Variants in NLRC5 observed in about 807,000 individuals in gnomAD.
NLRC5 encodes the protein NLR family CARD domain containing 5.
NLRC5 carries 114 observed loss-of-function variants against 206.9 expected under a neutral mutation model. The ratio of observed to expected loss-of-function variants is 0.55; its 90% CI spans 0.47 to 0.64. The LOEUF (loss-of-function observed/expected upper bound fraction) is 0.64, where lower values mean the gene tolerates loss of function less well. Among genes scored for constraint, NLRC5 ranks in the 30% least tolerant of loss-of-function variants. NLRC5 has a pLI of 0.00. For missense variants in NLRC5, 2,008 were observed against 2,305.5 expected (o/e 0.87, Z 2.64); for synonymous variants, 952 against 962.8 (o/e 0.99, Z 0.21).
intron 32 of NLRC5, among the ~76,000 whole-genome samples, chr16:57,064,121 C>T (rs888992371): frequency 6.6e-6 from 1 of 152,020 alleles, no homozygotes; most frequent in Non-Finnish European, 1.5e-5. Flanking sequence ...AATCCCAACA[C>T]TTTGGGAGGC....
At chr16:57,075,593 G>A (rs945462174) in intron 39 of NLRC5, among the ~76,000 whole-genome samples, 32 of 152,270 alleles carry the variant, frequency 2.1e-4, no homozygotes, top group Non-Finnish European at 4.1e-4. Flanking sequence ...TTTGAGTAGT[G>A]TGGGTCTAGA....
intron 14 of NLRC5, among the ~76,000 whole-genome samples, chr16:57,036,650 G>A (rs1007336808): frequency 2.0e-5 from 3 of 151,896 alleles, no homozygotes; most frequent in African/African-American, 7.3e-5. Context: ...CATGGGGTGA[G>A]GGTGATGTTT....
At position 57,066,900 on chromosome 16, in the gene NLRC5, C is replaced by T. The variant is rs574652618; in HGVS notation, c.4322+286C>T. On this transcript the variant is annotated intron_variant, in intron 34 of 48. Coordinates refer to ENST00000688547, the MANE Select transcript of NLRC5 (RefSeq NM_001384950.1). ...CTCTCTGCCCAGAATGTTCTCTTCACGCCTACCTGCTTCACCTGCCTAACT... is the reference window on the plus strand; with the variant it reads ...CTCTCTGCCCAGAATGTTCTCTTCATGCCTACCTGCTTCACCTGCCTAACT... Among the ~76,000 whole-genome samples the T allele has an allele frequency of 1.1e-4, 16 of 152,294 alleles. No homozygotes were observed. The South Asian group carries it at 2.1e-3, about 20-fold the overall frequency.
chr16:57,001,310 C>T (rs1282853739), intron 1 of NLRC5, among the ~76,000 whole-genome samples: 1 of 152,224 alleles, frequency 6.6e-6, no homozygotes, highest in Non-Finnish European at 1.5e-5. Context: ...CTGGCTATCA[C>T]CCCACAAACT....
Position 57,039,581 on chromosome 16 carries a change from ATG to A in NLRC5, c.2802-199_2802-198del, listed in dbSNP as rs1263622479. On this transcript the variant is annotated intron_variant, in intron 15 of 48. Coordinates refer to ENST00000688547, the MANE Select transcript of NLRC5 (RefSeq NM_001384950.1). ...TTTTTTTTTTAATTAGCTGGGCCTG[ATG>A]GCACAAGCCTGTAATCCCAGCTACT... 2.6e-5 allele frequency among the ~76,000 whole-genome samples: 4 copies of A among 151,808 alleles called. 1 individual carries two copies. Among genetic ancestry groups the A allele is most frequent in the African/African-American group, 9.7e-5 (4 of 41,288 alleles).
chr16:57,050,106 TAA>T (rs368833472), intron 23 of NLRC5, among the ~76,000 whole-genome samples: 11 of 144,258 alleles, frequency 7.6e-5, no homozygotes, highest in Admixed American at 1.4e-4. Flanking sequence ...TCCATTGCTT[TAA>T]AAAAAAAAAA....
Position 57,067,770 on chromosome 16 carries a change from G to A in NLRC5, c.4441G>A (p.Ala1481Thr). ...SQVNLCEDDD[A>T]SSLLLQSLLL... Reference sequence around the variant, plus strand: ...GGTTAACCTCTGTGAGGACGATGATGCCAGTTCCCTGCTGCTGCAGAGCCT... The same window carrying A: ...GGTTAACCTCTGTGAGGACGATGATACCAGTTCCCTGCTGCTGCAGAGCCT... Residue 1481 changes from alanine to threonine, a missense_variant, in exon 36 of 49, where the codon GCC becomes ACC. Transcript: ENST00000688547. 6.2e-7 allele frequency: 1 copy of A among 1,614,238 alleles called. No individual in the cohort carries two copies. Among genetic ancestry groups the A allele is most frequent in the Non-Finnish European group, 8.5e-7 (1 of 1,180,028 alleles).
At chr16:57,034,477 G>C in intron 13 of NLRC5, 1 of 540,684 alleles carries the variant, frequency 1.8e-6, no homozygotes. Context: ...TCACATCTCT[G>C]TGATGTAAGC....
Position 57,076,782 on chromosome 16 carries a change from T to A in NLRC5, c.4752-37T>A, listed in dbSNP as rs1555541333. 3.8e-6 allele frequency: 6 copies of A among 1,597,896 alleles called. No individual in the cohort carries two copies. The African/African-American group carries it at 5.4e-5, about 14-fold the overall frequency. ...ACAGCACCTGCAAAGGCCTTTAAGC[T>A]CCTGAAAGCCTCTTGGTCTATTCCC... On this transcript the variant is annotated intron_variant, in intron 39 of 48. Transcript: ENST00000688547.
chr16:57,063,279 A>AT (rs1284509836), intron 32 of NLRC5, among the ~76,000 whole-genome samples: 46 of 149,068 alleles, frequency 3.1e-4, no homozygotes, highest in Admixed American at 1.6e-3. Flanking sequence ...CACCCAGCTA[A>AT]TTTTTTTTTG....
chr16:57,062,056 G>A lies in NLRC5; in HGVS notation c.4154+355G>A, dbSNP rs543765501. The A allele has an allele frequency of 2.6e-4, 343 of 1,324,014 alleles. 2 individuals are homozygous for A. In the Middle Eastern group the frequency reaches 3.1e-3, roughly 12 times the overall value. 82.0% of individuals were successfully genotyped at this position (1,324,014 alleles called of 1,614,324 possible). On this transcript the variant is annotated intron_variant, in intron 32 of 48. Coordinates refer to ENST00000688547, the MANE Select transcript of NLRC5 (RefSeq NM_001384950.1). ...AAAACACTCAGAAAAAGAAGATACC[G>A]AAGTAGAAAGAATAATTTTTTAAAA...
intron 12 of NLRC5, 89 bp downstream of exon 12, chr16:57,033,758 G>C: frequency 7.9e-7 from 1 of 1,268,090 alleles, no homozygotes; most frequent in Non-Finnish European, 1.1e-6. Context: ...GGAGGATAAA[G>C]GGAAAAGCAG....
chr16:57,055,888 G>A (rs757712887), intron 27 of NLRC5, among the ~76,000 whole-genome samples: 1 of 152,232 alleles, frequency 6.6e-6, no homozygotes, highest in Admixed American at 6.5e-5. Context: ...GAGCCAGCCA[G>A]GGTGGGGTCT....
chr16:57,012,486 C>T (rs1367664354), intron 1 of NLRC5, among the ~76,000 whole-genome samples: 3 of 152,152 alleles, frequency 2.0e-5, no homozygotes, highest in Non-Finnish European at 4.4e-5. Flanking sequence ...GGAACTGGGC[C>T]GCACAGCAGG....
chr16:57,006,797 T>C (rs1264608685), intron 1 of NLRC5, among the ~76,000 whole-genome samples: 1 of 151,990 alleles, frequency 6.6e-6, no homozygotes, highest in African/African-American at 2.4e-5. Context: ...AAAGGTTGTA[T>C]CCTGTTACAT....
chr16:57,075,087 T>C (rs1672870), intron 39 of NLRC5, among the ~76,000 whole-genome samples: 1 of 128,052 alleles, frequency 7.8e-6, no homozygotes, highest in African/African-American at 2.9e-5. Flanking sequence ...TGGAGTGCAG[T>C]GGCAATGCAC....
At chr16:57,079,500 G>A in intron 45 of NLRC5, 46 bp from the exon 46 acceptor site, 1 of 1,554,268 alleles carries the variant, frequency 6.4e-7, no homozygotes. Flanking sequence ...TAGATCCCCT[G>A]ACTCAAACAA....
chr16:57,023,380 G>A (rs1331948424), intron 4 of NLRC5, among the ~76,000 whole-genome samples: 1 of 152,176 alleles, frequency 6.6e-6, no homozygotes, highest in African/African-American at 2.4e-5. Context: ...AACAGAGGAG[G>A]GAGGTTGCAG....
chr16:57,070,780 G>A (rs1181166468), intron 38 of NLRC5, among the ~76,000 whole-genome samples, 162 bp downstream of exon 38: 1 of 151,738 alleles, frequency 6.6e-6, no homozygotes, highest in African/African-American at 2.4e-5. Context: ...TGGTTAATGG[G>A]GAATGGGCTG....
Sources: allele counts gnomAD v4.1 joint callset (sites outside exome capture counted in the v4.1 genomes callset), GRCh38; gene constraint gnomAD v4.1.1; transcripts MANE v1.5; gene names NCBI Gene and HGNC (gene_info 2026-07-23, HGNC 2026-07-21).